MGMT: variants seen among roughly 807,000 people sequenced by gnomAD.
MGMT encodes the protein O-6-methylguanine-DNA methyltransferase.
In MGMT, 14 loss-of-function variants were observed where a neutral mutation model predicts 15.9. The observed-to-expected ratio is 0.88, with a 90% CI of 0.58 to 1.37. The LOEUF is 1.37. MGMT is among the 40% of genes most tolerant of loss of function. The probability of loss-of-function intolerance (pLI) is 0.00; values close to 1 mark genes in which losing one functional copy is unlikely to be tolerated. For synonymous variants in MGMT, 130 were observed against 118.2 expected (o/e 1.10, Z -0.65); for missense variants, 282 against 268.1 (o/e 1.05, Z -0.36).
rs181149194 is a variant in MGMT at position 129,686,520 on chromosome 10, G to A, written c.126-21375G>A. ...CTCCCAAGTAGCTAGGATTACAGGCGCCCACCACCACATCCGACTAATTTT... is the reference window on the plus strand; with the variant it reads ...CTCCCAAGTAGCTAGGATTACAGGCACCCACCACCACATCCGACTAATTTT... On this transcript the variant is annotated intron_variant, in intron 2 of 4. Transcript: ENST00000651593. 2.8e-3 allele frequency among the ~76,000 whole-genome samples: 426 copies of A among 152,046 alleles called. 4 individuals are homozygous for A. Among genetic ancestry groups the A allele is most frequent in the African/African-American group, 1.0e-2 (413 of 41,452 alleles).
At chr10:129,507,275 T>G (rs1672015918) in intron 1 of MGMT, among the ~76,000 whole-genome samples, 1 of 152,218 alleles carries the variant, frequency 6.6e-6, no homozygotes, top group South Asian at 2.1e-4. Flanking sequence ...TGGGTTTGGC[T>G]TCCAGACGGA....
intron 2 of MGMT, among the ~76,000 whole-genome samples, chr10:129,650,054 A>G (rs980086189): frequency 3.3e-5 from 5 of 152,164 alleles, no homozygotes; most frequent in African/African-American, 1.2e-4. Context: ...GATATTATTG[A>G]ATAATTATTA....
chr10:129,662,121 G>A (rs1329491568), intron 2 of MGMT, among the ~76,000 whole-genome samples: 1 of 152,028 alleles, frequency 6.6e-6, no homozygotes, highest in Non-Finnish European at 1.5e-5. Flanking sequence ...GAATGGGGGT[G>A]GGGACACGGG....
At chr10:129,582,097 T>G (rs963551264) in intron 2 of MGMT, among the ~76,000 whole-genome samples, 5 of 152,182 alleles carry the variant, frequency 3.3e-5, no homozygotes, top group African/African-American at 1.2e-4. Context: ...TTACAAGTGC[T>G]CCTTTTTTGA....
chr10:129,632,842 A>G (rs1847226368), intron 2 of MGMT, among the ~76,000 whole-genome samples: 1 of 152,168 alleles, frequency 6.6e-6, no homozygotes, highest in South Asian at 2.1e-4. Context: ...TCCATGTCTC[A>G]TGCAGAGGAA....
chr10:129,532,767 C>A lies in MGMT; in HGVS notation c.-12-3474C>A, dbSNP rs898870537. 1.3e-5 allele frequency among the ~76,000 whole-genome samples: 2 copies of A among 152,130 alleles called. No individual in the cohort carries two copies. Among genetic ancestry groups the A allele is most frequent in the Admixed American group, 1.3e-4 (2 of 15,274 alleles). ...CTGGCCGTGGCCATCTCAGGTTAGA[C>A]CCTCAGAGTGGCACTGTCAGGTAGA... On this transcript the variant is annotated intron_variant, in intron 1 of 4. Coordinates refer to ENST00000651593, the MANE Select transcript of MGMT (RefSeq NM_002412.5). The surrounding 1 kb of genome is among the most constrained non-coding windows in gnomAD (Gnocchi z 5.3).
rs189489745 is a variant in MGMT, at chr10:129,517,566, G to A, written c.-12-18675G>A. On this transcript the variant is annotated intron_variant, in intron 1 of 4. Coordinates refer to ENST00000651593, the MANE Select transcript of MGMT (RefSeq NM_002412.5). ...CTGTTCACGGGAGGAAGGGTGTCAC[G>A]GCGTCACACATGGGCATGGCACCTG... 1.7e-3 allele frequency among the ~76,000 whole-genome samples: 258 copies of A among 152,280 alleles called. 1 individual carries two copies. Among genetic ancestry groups the A allele is most frequent in the African/African-American group, 5.8e-3 (241 of 41,556 alleles).
In MGMT at chr10:129,467,300, A is replaced by G; in HGVS notation, c.-13+4A>G. 6.5e-7 allele frequency: 1 copy of G among 1,538,312 alleles called. No homozygotes were observed. Among genetic ancestry groups the G allele is most frequent in the East Asian group, 2.6e-5 (1 of 38,972 alleles). On this transcript the variant is annotated splice_donor_region_variant and intron_variant, in intron 1 of 4. Coordinates refer to ENST00000651593, the MANE Select transcript of MGMT (RefSeq NM_002412.5). ...GGTGCGCACCGTTTGCGACTTGGTG[A>G]GTGTCTGGGTCGCCTCGCTCCCGGA...
At chr10:129,683,260 C>CG (rs1847872680) in intron 2 of MGMT, among the ~76,000 whole-genome samples, 2 of 152,142 alleles carry the variant, frequency 1.3e-5, no homozygotes, top group Non-Finnish European at 2.9e-5. Flanking sequence ...CGTAGGAGTA[C>CG]GGGGGCAGCA....
At chr10:129,614,290 A>G (rs575669859) in intron 2 of MGMT, among the ~76,000 whole-genome samples, 47 of 152,302 alleles carry the variant, frequency 3.1e-4, no homozygotes, top group East Asian at 1.9e-4. Flanking sequence ...GGCTCTTTAA[A>G]AGCCTATTTT....
intron 3 of MGMT, among the ~76,000 whole-genome samples, chr10:129,741,335 A>G (rs1320792536): frequency 6.6e-6 from 1 of 152,218 alleles, no homozygotes; most frequent in Non-Finnish European, 1.5e-5. Context: ...AAAAGGTTAC[A>G]TTGAACGGCA....
chr10:129,632,054 G>A (rs967892055), intron 2 of MGMT, among the ~76,000 whole-genome samples: 3 of 152,116 alleles, frequency 2.0e-5, no homozygotes, highest in Admixed American at 1.3e-4. Flanking sequence ...TTGTTTTTAT[G>A]CCTACAGCGT....
chr10:129,486,065 A>ATTT (rs559916211), intron 1 of MGMT, among the ~76,000 whole-genome samples: 2 of 151,638 alleles, frequency 1.3e-5, no homozygotes, highest in African/African-American at 4.8e-5. Flanking sequence ...AGCCTTTTTA[A>ATTT]TTTTTTTTTC....
chr10:129,474,681 C>T (rs1424937203), intron 1 of MGMT, among the ~76,000 whole-genome samples: 1 of 152,208 alleles, frequency 6.6e-6, no homozygotes, highest in African/African-American at 2.4e-5. Context: ...GCAACCTGTA[C>T]GTCCTGCAGG....
intron 2 of MGMT, among the ~76,000 whole-genome samples, chr10:129,656,441 C>T (rs1847525347): frequency 6.6e-6 from 1 of 152,180 alleles, no homozygotes; most frequent in Non-Finnish European, 1.5e-5. Context: ...GCAGCATCGG[C>T]ATGTCCTTTC....
Position 129,770,487 on chromosome 10 carries a change from C to T in MGMT, c.*3490C>T, listed in dbSNP as rs890467287. 1.3e-5 allele frequency among the ~76,000 whole-genome samples: 2 copies of T among 152,230 alleles called. No individual in the cohort carries two copies. Among genetic ancestry groups the T allele is most frequent in the Non-Finnish European group, 2.9e-5 (2 of 68,044 alleles). ...TGGGGGCCACGTCCCCTCCCGGTCTCATCTGCCGCTTGCTCACCTTGGCTG... is the reference window on the plus strand; with the variant it reads ...TGGGGGCCACGTCCCCTCCCGGTCTTATCTGCCGCTTGCTCACCTTGGCTG... On this transcript the variant is annotated 3_prime_UTR_variant, in exon 5 of 5. Coordinates refer to ENST00000651593, the MANE Select transcript of MGMT (RefSeq NM_002412.5).
intron 2 of MGMT, among the ~76,000 whole-genome samples, chr10:129,669,952 C>A (rs1039877719): frequency 9.9e-5 from 15 of 152,116 alleles, no homozygotes; most frequent in African/African-American, 3.6e-4. Context: ...GAAGGAAATT[C>A]TTTTGATTCA....
intron 2 of MGMT, among the ~76,000 whole-genome samples, chr10:129,597,191 C>A (rs1287496420): frequency 6.6e-6 from 1 of 152,158 alleles, no homozygotes; most frequent in East Asian, 1.9e-4. Context: ...GTATCTAGTA[C>A]ATCTGAGCTC....
intron 2 of MGMT, among the ~76,000 whole-genome samples, chr10:129,583,057 T>C (rs1344468302): frequency 6.6e-6 from 1 of 152,218 alleles, no homozygotes; most frequent in East Asian, 1.9e-4. Flanking sequence ...AAAAATCTTA[T>C]ATCTTTCTGA....
Sources: allele counts gnomAD v4.1 joint callset (sites outside exome capture counted in the v4.1 genomes callset), GRCh38; gene constraint gnomAD v4.1.1; non-coding constraint Gnocchi (gnomAD v3.1); transcripts MANE v1.5; gene names NCBI Gene and HGNC (gene_info 2026-07-23, HGNC 2026-07-21).